The following RAD51B variants were observed in gnomAD, a reference collection of about 807,000 sequenced individuals.
RAD51B encodes the protein DNA repair protein RAD51 homolog 2.
Under a neutral mutation model 42.2 loss-of-function variants are expected in RAD51B, and 38 were observed. The observed-to-expected ratio is 0.90, with a 90% CI of 0.70 to 1.18. The LOEUF is 1.18. RAD51B is among the 50% of genes most tolerant of loss of function. The pLI is 0.00. For synonymous variants in RAD51B, 154 were observed against 145.2 expected, an observed-to-expected ratio of 1.06 and a Z score of -0.43; for missense variants, 373 against 400.7, an observed-to-expected ratio of 0.93 and a Z score of 0.59.
At chr14:68,076,589 T>G (rs2076837475) in intron 7 of RAD51B, among the ~76,000 whole-genome samples, 1 of 152,212 alleles carries the variant, frequency 6.6e-6, no homozygotes, top group Non-Finnish European at 1.5e-5. Context: ...AAATTAGAAC[T>G]GGCTTCTTCT....
intron 7 of RAD51B, among the ~76,000 whole-genome samples, chr14:68,199,053 A>G (rs977802858): frequency 2.0e-5 from 3 of 152,170 alleles, no homozygotes; most frequent in African/African-American, 4.8e-5. Flanking sequence ...AATCTGCCCA[A>G]TGAATTCTTT....
chr14:68,607,665 C>T lies in RAD51B; in HGVS notation c.1037-3341C>T, dbSNP rs577353750. Among the ~76,000 whole-genome samples the T allele has an allele frequency of 1.1e-3, 167 of 151,414 alleles. 1 individual carries two copies. The highest frequency in any genetic ancestry group is 2.0e-3 in the Non-Finnish European group (134 of 67,858). On this transcript the variant is annotated intron_variant, in intron 10 of 10. Coordinates refer to the RAD51B transcript ENST00000487861. ...CAAATTCCATTTATCTTCTTCTTCC[C>T]GGGGTCTCTGCACAAAGCCTTTGTG... is the stretch of plus-strand genomic sequence containing the variant.
In RAD51B at chr14:67,854,571, T is replaced by G. The variant is rs530125478; in HGVS notation, c.316-10432T>G. ...ATCATTTGAATCCAGGAGGCAGAAG[T>G]TGCAGTGAGCTGAGATTGCACTACT... On this transcript the variant is annotated intron_variant, in intron 4 of 10. Transcript: ENST00000471583. 3.0e-4 allele frequency among the ~76,000 whole-genome samples: 45 copies of G among 151,878 alleles called. 1 individual carries two copies. In the South Asian group the frequency reaches 5.8e-3, roughly 20 times the overall value.
In RAD51B at chr14:67,949,841, A is replaced by T. The variant is rs141110890; in HGVS notation, c.756+62637A>T. Among the ~76,000 whole-genome samples, 1,058 of 152,304 alleles carry T rather than the reference A, an allele frequency of 6.9e-3. 12 individuals are homozygous for T. Among genetic ancestry groups the T allele is most frequent in the African/African-American group, 0.024 (993 of 41,572 alleles). ...ATGAAAACAACATTAATCTCCTTGT[A>T]CATCTCCAGCAGAGCTCTTGGGTGG... is the stretch of plus-strand genomic sequence containing the variant. On this transcript the variant is annotated intron_variant, in intron 7 of 10. Coordinates refer to ENST00000471583, the MANE Select transcript of RAD51B (RefSeq NM_133510.4).
At chr14:68,264,275 C>G (rs1258080605) in intron 7 of RAD51B, among the ~76,000 whole-genome samples, 1 of 152,190 alleles carries the variant, frequency 6.6e-6, no homozygotes, top group Non-Finnish European at 1.5e-5. Context: ...CCATTTGGGA[C>G]TACTCTAAAG....
At chr14:68,540,503 C>T in intron 10 of RAD51B, 1 of 985,224 alleles carries the variant, frequency 1.0e-6, no homozygotes, top group African/African-American at 1.7e-5. Flanking sequence ...CAGCTTGTTC[C>T]CTCATTTCTC....
Position 68,326,027 on chromosome 14 carries a change from C to CTTTTTTTT in RAD51B, c.853+34052_853+34053insTTTTTTTT, listed in dbSNP as rs1156621815. On this transcript the variant is annotated intron_variant, in intron 8 of 10. Transcript: ENST00000471583. ...ATACTAATTGAATAATGTTGTTATT[C>CTTTTTTTT]TTTTTCTTTTCTTTTTTTTTTTTTT... Among the ~76,000 whole-genome samples the CTTTTTTTT allele has an allele frequency of 7.7e-5, 4 of 51,636 alleles. 1 individual carries two copies. Among genetic ancestry groups the CTTTTTTTT allele is most frequent in the Non-Finnish European group, 1.7e-4 (4 of 23,512 alleles). The allele number at this position is 51,636 out of a possible 152,430, so 33.9% of individuals were successfully genotyped here. A position where few individuals can be genotyped will look rare whatever the true frequency, so the allele number is the denominator to read the frequency against.
intron 9 of RAD51B, among the ~76,000 whole-genome samples, chr14:68,454,647 G>C (rs923979285): frequency 6.6e-6 from 1 of 152,156 alleles, no homozygotes. Flanking sequence ...TATTTGACCT[G>C]TCCAACAGCA....
chr14:67,973,486 C>T (rs1285875807), intron 7 of RAD51B, among the ~76,000 whole-genome samples: 1 of 152,064 alleles, frequency 6.6e-6, no homozygotes, highest in Non-Finnish European at 1.5e-5. Flanking sequence ...TAAACATTTG[C>T]ATTATATATT....
At chr14:67,922,214 A>G (rs1032240634) in intron 7 of RAD51B, among the ~76,000 whole-genome samples, 4 of 152,136 alleles carry the variant, frequency 2.6e-5, no homozygotes, top group African/African-American at 9.7e-5. Context: ...TCTCTTTGGT[A>G]GAGTTGGTTG....
intron 9 of RAD51B, among the ~76,000 whole-genome samples, chr14:68,413,602 C>A (rs1251952931): frequency 6.6e-6 from 1 of 152,064 alleles, no homozygotes; most frequent in Non-Finnish European, 1.5e-5. Flanking sequence ...AAATTTGTGA[C>A]CTAATAACTA....
chr14:68,252,712 G>T (rs2080662997), intron 7 of RAD51B, among the ~76,000 whole-genome samples: 1 of 152,088 alleles, frequency 6.6e-6, no homozygotes, highest in Non-Finnish European at 1.5e-5. Flanking sequence ...TGGATATTTA[G>T]GTGGCGTCTA....
At chr14:68,328,492 G>A (rs17755115) in intron 8 of RAD51B, among the ~76,000 whole-genome samples, 7,877 of 152,216 alleles carry the variant, frequency 0.052, 287 homozygotes, top group Non-Finnish European at 0.078. Flanking sequence ...ACCATTTGTG[G>A]ATTCCTTGAC....
At chr14:68,577,902 A>C (rs1198983159) in intron 10 of RAD51B, among the ~76,000 whole-genome samples, 2 of 152,226 alleles carry the variant, frequency 1.3e-5, no homozygotes, top group Non-Finnish European at 1.5e-5. Flanking sequence ...GTAGGTTCAA[A>C]TCAGGGAGAA....
intron 5 of RAD51B, among the ~76,000 whole-genome samples, chr14:67,875,137 GA>G (rs2140022497): frequency 6.6e-6 from 1 of 152,272 alleles, no homozygotes; most frequent in African/African-American, 2.4e-5. Context: ...TTAGGAGGTA[GA>G]AGTGGATATT....
chr14:67,986,969 T>G lies in RAD51B; in HGVS notation c.756+99765T>G, dbSNP rs181546897. 1.4e-3 allele frequency among the ~76,000 whole-genome samples: 215 copies of G among 152,332 alleles called. 1 individual carries two copies. The highest frequency in any genetic ancestry group is 5.0e-3 in the African/African-American group (208 of 41,584). Reference sequence around the variant, plus strand: ...CTGGTCTCAAACTCCTGACCTCGGGTGATCCACCCACCTTGGCCTCCCAGT... The same window carrying G: ...CTGGTCTCAAACTCCTGACCTCGGGGGATCCACCCACCTTGGCCTCCCAGT... On this transcript the variant is annotated intron_variant, in intron 7 of 10. Coordinates refer to ENST00000471583, the MANE Select transcript of RAD51B (RefSeq NM_133510.4).
chr14:68,123,766 C>T (rs1222413633), intron 7 of RAD51B, among the ~76,000 whole-genome samples: 1 of 152,150 alleles, frequency 6.6e-6, no homozygotes, highest in Non-Finnish European at 1.5e-5. Flanking sequence ...CGAGATTGCG[C>T]CACTGCACTC....
At chr14:68,309,725 C>T (rs1296014174) in intron 8 of RAD51B, among the ~76,000 whole-genome samples, 1 of 152,142 alleles carries the variant, frequency 6.6e-6, no homozygotes, top group Non-Finnish European at 1.5e-5. Context: ...TCTTTTAATG[C>T]AGTGTTGTTT....
chr14:68,181,344 A>G (rs886454645), intron 7 of RAD51B, among the ~76,000 whole-genome samples: 4 of 152,172 alleles, frequency 2.6e-5, no homozygotes, highest in Admixed American at 2.0e-4. Context: ...GATGAAATTC[A>G]GCCTGTTTCA....
Sources: allele counts gnomAD v4.1 joint callset (sites outside exome capture counted in the v4.1 genomes callset), GRCh38; gene constraint gnomAD v4.1.1; transcripts MANE v1.5; gene names NCBI Gene and HGNC (gene_info 2026-07-23, HGNC 2026-07-21).